CNTNAP2: variants seen among roughly 807,000 people sequenced by gnomAD.
CNTNAP2 encodes contactin associated protein 2.
Under a neutral mutation model 155.2 loss-of-function variants are expected in CNTNAP2, and 98 were observed. That is an observed-to-expected ratio of 0.63 (90% CI 0.54 to 0.75). The LOEUF is 0.75. CNTNAP2 is among the 30% of genes least tolerant of loss of function. CNTNAP2 has a pLI of 0.00. For synonymous variants in CNTNAP2, 651 were observed against 631.2 expected (o/e 1.03, Z -0.47); for missense variants, 1,727 against 1,688.1 (o/e 1.02, Z -0.40).
chr7:146,669,646 C>A (rs1484625948), intron 1 of CNTNAP2, among the ~76,000 whole-genome samples: 1 of 152,054 alleles, frequency 6.6e-6, no homozygotes, highest in African/African-American at 2.4e-5. Context: ...CTAAAGGACT[C>A]CTTTGGAGCA....
intron 3 of CNTNAP2, among the ~76,000 whole-genome samples, chr7:147,011,415 T>C (rs891059473): frequency 2.6e-5 from 2 of 77,168 alleles, no homozygotes; most frequent in South Asian, 5.2e-4. Context: ...TGACACTCCA[T>C]CTCAAAAAAA....
chr7:146,178,095 G>A (rs1164235199), intron 1 of CNTNAP2, among the ~76,000 whole-genome samples: 2 of 152,058 alleles, frequency 1.3e-5, no homozygotes, highest in African/African-American at 2.4e-5. Context: ...GTGTAGTGAC[G>A]TGATCTCGGC....
At chr7:147,741,671 A>C (rs1433655936) in intron 13 of CNTNAP2, among the ~76,000 whole-genome samples, 1 of 152,194 alleles carries the variant, frequency 6.6e-6, no homozygotes, top group Non-Finnish European at 1.5e-5. Context: ...AGATAGCCAG[A>C]TGTTCAGTTA....
At chr7:148,339,197 G>A (rs1289455267) in intron 21 of CNTNAP2, among the ~76,000 whole-genome samples, 1 of 151,862 alleles carries the variant, frequency 6.6e-6, no homozygotes, top group Non-Finnish European at 1.5e-5. Flanking sequence ...CCTCCTTGTA[G>A]GTCAACAGTA....
intron 11 of CNTNAP2, among the ~76,000 whole-genome samples, chr7:147,503,993 A>G (rs1798863564): frequency 6.6e-6 from 1 of 152,192 alleles, no homozygotes. Context: ...TATTTTTCAG[A>G]TGAAAAAGCT....
chr7:146,386,773 G>T (rs1258916143), intron 1 of CNTNAP2, among the ~76,000 whole-genome samples: 3 of 152,126 alleles, frequency 2.0e-5, no homozygotes, highest in African/African-American at 7.2e-5. Context: ...TGTATCATTA[G>T]TTCTTTTCCA....
chr7:147,981,614 C>G (rs1006526946), intron 15 of CNTNAP2, among the ~76,000 whole-genome samples: 1 of 152,140 alleles, frequency 6.6e-6, no homozygotes, highest in Non-Finnish European at 1.5e-5. Context: ...GTGGGCTCTG[C>G]CCAACCATTT....
At chr7:146,373,460 G>A (rs1404786978) in intron 1 of CNTNAP2, among the ~76,000 whole-genome samples, 2 of 150,986 alleles carry the variant, frequency 1.3e-5, no homozygotes, top group Non-Finnish European at 3.0e-5. Context: ...AGCATCAAAG[G>A]AAGCAAAGTG....
rs1804178580 is a variant in CNTNAP2, at chr7:148,105,050, T to C, written c.2384-13068T>C. Among the ~76,000 whole-genome samples, 6 of 152,128 alleles carry C rather than the reference T, an allele frequency of 3.9e-5. 1 individual carries two copies. Among genetic ancestry groups the C allele is most frequent in the Admixed American group, 2.6e-4 (4 of 15,272 alleles). ...TCAAGCTAGATATTACAGTTAGAAA[T>C]ATATAGAAAGCACAATCTCTGCTCT... On this transcript the variant is annotated intron_variant, in intron 15 of 23. Transcript: ENST00000361727.
rs60500773 is a variant in CNTNAP2 at position 147,554,438 on chromosome 7, C to G, written c.1778-7700C>G. Among the ~76,000 whole-genome samples the G allele has an allele frequency of 6.6e-3, 982 of 149,508 alleles. 13 individuals carry two copies. The highest frequency in any genetic ancestry group is 0.023 in the African/African-American group (924 of 40,708). Reference sequence around the variant, plus strand: ...ATAGAGGGATTTGGGAAGGATCAAACAAAAGAAAAAATGGGCTGGGTATGG... The same window carrying G: ...ATAGAGGGATTTGGGAAGGATCAAAGAAAAGAAAAAATGGGCTGGGTATGG... On this transcript the variant is annotated intron_variant, in intron 11 of 23. Transcript: ENST00000361727.
chr7:147,225,806 AGAAAGAAGGAAAGAAG>A (rs1344145310), intron 8 of CNTNAP2, among the ~76,000 whole-genome samples: 1 of 108,280 alleles, frequency 9.2e-6, no homozygotes, highest in Non-Finnish European at 2.0e-5. Context: ...AAGGAAAGAA[AGAAAGAAGGAAAGAAG>A]GAAAGAAGGA....
intron 15 of CNTNAP2, among the ~76,000 whole-genome samples, chr7:148,038,111 G>C (rs1341469674): frequency 6.6e-6 from 1 of 152,184 alleles, no homozygotes; most frequent in East Asian, 1.9e-4. Flanking sequence ...GTTTACATCT[G>C]TAAACAATCA....
At chr7:147,559,492 A>G (rs571773047) in intron 11 of CNTNAP2, among the ~76,000 whole-genome samples, 216 of 152,342 alleles carry the variant, frequency 1.4e-3, no homozygotes, top group African/African-American at 5.1e-3. Flanking sequence ...CACTTTAGTG[A>G]GAAGTGAGGA....
chr7:148,018,566 G>T (rs1482035697), intron 15 of CNTNAP2, among the ~76,000 whole-genome samples: 1 of 152,228 alleles, frequency 6.6e-6, no homozygotes, highest in East Asian at 1.9e-4. Context: ...ATGTTGGAGG[G>T]ATTTAAGTTA....
chr7:147,462,343 A>G (rs1798039439), intron 10 of CNTNAP2, among the ~76,000 whole-genome samples: 1 of 152,226 alleles, frequency 6.6e-6, no homozygotes, highest in Non-Finnish European at 1.5e-5. Context: ...TAGGCAGCCA[A>G]TAAATACCCT....
At chr7:147,967,913 T>C (rs774197435) in intron 14 of CNTNAP2, among the ~76,000 whole-genome samples, 15 of 152,144 alleles carry the variant, frequency 9.9e-5, no homozygotes, top group Non-Finnish European at 1.3e-4. Context: ...AAAAAAAAGA[T>C]ACTAAAAATA....
chr7:147,440,168 G>T (rs1563204583), intron 10 of CNTNAP2, among the ~76,000 whole-genome samples: 1 of 151,688 alleles, frequency 6.6e-6, no homozygotes, highest in Non-Finnish European at 1.5e-5. Context: ...CTTCCTTTTA[G>T]TGAGGGTGAT....
intron 1 of CNTNAP2, among the ~76,000 whole-genome samples, chr7:146,690,108 T>C (rs1224615976): frequency 1.3e-5 from 2 of 152,102 alleles, no homozygotes; most frequent in African/African-American, 4.8e-5. Context: ...TTACAGGAAA[T>C]TTTCTCTTCA....
At chr7:146,417,414 C>T (rs575297535) in intron 1 of CNTNAP2, among the ~76,000 whole-genome samples, 1 of 152,092 alleles carries the variant, frequency 6.6e-6, no homozygotes, top group Non-Finnish European at 1.5e-5. Context: ...CTAAGTACCT[C>T]TCTGGTAAGA....
Sources: gnomAD v4.1 joint callset for allele counts (sites outside exome capture counted in the v4.1 genomes callset) on GRCh38, gnomAD v4.1.1 for gene constraint, MANE v1.5 for transcripts, NCBI Gene and HGNC (gene_info 2026-07-23, HGNC 2026-07-21) for gene names.